Variants in DUSP15 observed in about 807,000 individuals in gnomAD.
DUSP15 encodes dual specificity protein phosphatase 15.
In DUSP15, 23 loss-of-function variants were observed where a neutral mutation model predicts 26.3. The ratio of observed to expected loss-of-function variants is 0.87; its 90% CI spans 0.63 to 1.24. The LOEUF is 1.24. Among genes scored for constraint, DUSP15 ranks in the 50% most tolerant of loss-of-function variants. The pLI, the probability that DUSP15 is intolerant of heterozygous loss-of-function variation, is 0.00. For missense variants in DUSP15, 364 were observed against 320.6 expected (o/e 1.14, Z -1.03); for synonymous variants, 143 against 135.5 (o/e 1.06, Z -0.39).
At chr20:31,869,438 C>T in intron 2 of DUSP15, 126 bp downstream of exon 2, 1 of 1,329,232 alleles carries the variant, frequency 7.5e-7, no homozygotes, top group Non-Finnish European at 1.1e-6. Flanking sequence ...TTCCCCCTCC[C>T]AGCCTGGGGC....
chr20:31,846,214 A>G (rs150694103), downstream of DUSP15, among the ~76,000 whole-genome samples: 1 of 151,714 alleles, frequency 6.6e-6, no homozygotes, highest in Non-Finnish European at 1.5e-5. Flanking sequence ...ACACATAGGC[A>G]TACACACAGA....
At position 31,869,610 on chromosome 20, in the gene DUSP15, C is replaced by G. The variant is rs1423694016; in HGVS notation, c.22-13G>C. 2.0e-5 allele frequency: 33 copies of G among 1,613,542 alleles called. No individual in the cohort carries two copies. The highest frequency in any genetic ancestry group is 2.8e-5 in the Non-Finnish European group (33 of 1,179,852). On this transcript the variant is annotated splice_polypyrimidine_tract_variant and intron_variant, in intron 1 of 6. Transcript: ENST00000339738. ...GTCCAGGAAGTACCTAGAGGAAGGA[C>G]AGGCAAGGGTCAGTGGGGCAGGGGC... is the stretch of plus-strand genomic sequence containing the variant.
Position 31,862,402 on chromosome 20 carries a change from C to A in DUSP15, c.435+169G>T, listed in dbSNP as rs1157436038. Among the ~76,000 whole-genome samples, 14 of 152,190 alleles carry A rather than the reference C, an allele frequency of 9.2e-5. 1 individual carries two copies. The highest frequency in any genetic ancestry group is 9.2e-4 in the Admixed American group (14 of 15,282). On this transcript the variant is annotated intron_variant, in intron 6 of 6. Transcript: ENST00000339738. ...ATTGAAAAAGAAAACACCTGGCTGT[C>A]TAACAAAATACACCTAGGAGGTGGA...
At chr20:31,864,832 A>T (rs2123280426) in intron 4 of DUSP15, 121 bp downstream of exon 4, 1 of 1,050,732 alleles carries the variant, frequency 9.5e-7, no homozygotes, top group Non-Finnish European at 1.4e-6. Context: ...GGACTGGTTG[A>T]GTTGAACACC....
At chr20:31,867,209 A>G in intron 2 of DUSP15, 56 bp from the exon 3 acceptor site, 1 of 1,491,462 alleles carries the variant, frequency 6.7e-7, no homozygotes, top group Non-Finnish European at 9.2e-7. Flanking sequence ...CTGATGGCCA[A>G]GTGCGGAGGG....
In DUSP15 at chr20:31,862,573, T is replaced by G. The variant is rs1257547402; in HGVS notation, c.433A>C (p.Lys145Gln). The stretch of plus-strand genomic sequence containing the variant: ...CCAGCCCTTGACCCCATCCCTACCT[T>G]CTGGGAACTGGCCCAGCCAAACTCT... ...LEEFGWASSQ[K>Q]LRRQLEERFG... is the part of the protein sequence containing the mutation. The change falls in exon 6 of 7, where the codon AAG becomes CAG. Residue 145 changes from lysine to glutamine, a missense_variant and splice_region_variant. Physicochemically the swap from Lys to Gln is moderately conservative, Grantham distance 53. Coordinates refer to ENST00000339738, the MANE Select transcript of DUSP15 (RefSeq NM_080611.5). The G allele has an allele frequency of 6.2e-7, 1 of 1,606,652 alleles. No homozygotes were observed. The highest frequency in any genetic ancestry group is 1.3e-5 in the African/African-American group (1 of 74,930).
intron 9 of DUSP15, chr20:31,848,657 C>A (rs989536234): frequency 5.5e-6 from 8 of 1,466,584 alleles, no homozygotes; most frequent in Non-Finnish European, 7.2e-6. Flanking sequence ...ACAGCCCCAT[C>A]CCTACCCCCA....
At position 31,870,259 on chromosome 20, in the gene DUSP15, G is replaced by T. The variant is rs1043872381; in HGVS notation, c.21+58C>A. 1.1e-5 allele frequency: 14 copies of T among 1,225,774 alleles called. No homozygotes were observed. In the African/African-American group the frequency reaches 1.9e-4, roughly 16 times the overall value. 75.9% of individuals were successfully genotyped at this position (1,225,774 alleles called of 1,614,324 possible). ...AGGCGGGCGGACCGAGCTGGTCAGC[G>T]CCGGGCCGCGGCGGCCGGGGCGGGG... On this transcript the variant is annotated intron_variant, in intron 1 of 6. Coordinates refer to ENST00000339738, the MANE Select transcript of DUSP15 (RefSeq NM_080611.5). This position sits in a 1 kb window ranked among gnomAD's most constrained non-coding sequence, Gnocchi z 6.6.
At chr20:31,849,160 C>T (rs552464409) in intron 8 of DUSP15, among the ~76,000 whole-genome samples, 1 of 152,178 alleles carries the variant, frequency 6.6e-6, no homozygotes, top group Non-Finnish European at 1.5e-5. Flanking sequence ...CAACCCATGC[C>T]CACTGCCACT....
rs769971947 is a variant in DUSP15 at position 31,861,548 on chromosome 20, G to T, written c.563C>A (p.Pro188Gln). The T allele has an allele frequency of 3.3e-6, 5 of 1,506,476 alleles. No individual in the cohort carries two copies. Among genetic ancestry groups the T allele is most frequent in the Non-Finnish European group, 4.4e-6 (5 of 1,135,932 alleles). The allele number at this position is 1,506,476 out of a possible 1,614,324, so 93.3% of individuals were successfully genotyped here. ...GSATSASSAG[P>Q]HSAASEGTVQ... Reference sequence around the variant, plus strand: ...GGTTCCCTCGGAGGCTGCTGAGTGCGGCCCGGCGGAGGAGGCCGAGGTCGC... The same window carrying T: ...GGTTCCCTCGGAGGCTGCTGAGTGCTGCCCGGCGGAGGAGGCCGAGGTCGC... The change falls in exon 7 of 7, where the codon CCG (proline) becomes CAG (glutamine). Residue 188 changes from proline (P) to glutamine (Q), a missense_variant. Physicochemically the swap from Pro to Gln is moderately conservative, Grantham distance 76 (BLOSUM62 -1). Coordinates refer to ENST00000339738, the MANE Select transcript of DUSP15 (RefSeq NM_080611.5).
At chr20:31,852,713 A>G (rs994730655) in intron 6 of DUSP15, among the ~76,000 whole-genome samples, 1 of 152,184 alleles carries the variant, frequency 6.6e-6, no homozygotes, top group African/African-American at 2.4e-5. Flanking sequence ...TGGGAGGCTG[A>G]GGCAGGAGAA....
chr20:31,865,032 G>T (rs1412315565), intron 3 of DUSP15, 30 bp from the exon 4 acceptor site: 2 of 1,612,842 alleles, frequency 1.2e-6, no homozygotes, highest in Non-Finnish European at 8.5e-7. Context: ...TCAGGCAGGG[G>T]ACCTTGCCTG....
In DUSP15 at chr20:31,870,056, A is replaced by G. The variant is rs2062887125; in HGVS notation, c.21+261T>C. ...CGGAGAGCAGGACTCACTGGGAGAC[A>G]GCCTGGGAGTGACAGCCACAGCAAG... On this transcript the variant is annotated intron_variant, in intron 1 of 6. Transcript: ENST00000339738. The surrounding 1 kb of genome is among the most constrained non-coding windows in gnomAD (Gnocchi z 6.6). 1 of 1,268,868 alleles carries G rather than the reference A, an allele frequency of 7.9e-7. No individual in the cohort carries two copies. The highest frequency in any genetic ancestry group is 3.0e-5 in the East Asian group (1 of 32,788). 78.6% of individuals were successfully genotyped at this position (1,268,868 alleles called of 1,614,324 possible).
chr20:31,862,098 C>T (rs2062673744), intron 6 of DUSP15, among the ~76,000 whole-genome samples: 1 of 152,164 alleles, frequency 6.6e-6, no homozygotes, highest in Non-Finnish European at 1.5e-5. Context: ...CTGGGTACCG[C>T]CCTCAACCTG....
intron 8 of DUSP15, chr20:31,849,511 T>G (rs2062427304): frequency 1.3e-6 from 1 of 783,758 alleles, no homozygotes; most frequent in Non-Finnish European, 2.3e-6. Flanking sequence ...CCCACGCCAC[T>G]CTGTTCCACT....
intron 6 of DUSP15, 110 bp from the exon 7 acceptor site, chr20:31,861,785 A>G: frequency 1.2e-6 from 1 of 829,910 alleles, no homozygotes; most frequent in South Asian, 2.4e-5. Flanking sequence ...AGCGTCCCAC[A>G]CCTCGCTGAG....
intron 2 of DUSP15, among the ~76,000 whole-genome samples, chr20:31,867,884 A>G (rs1427861931): frequency 2.6e-5 from 4 of 151,980 alleles, no homozygotes; most frequent in African/African-American, 9.7e-5. Context: ...TGACCTCGTG[A>G]TCCGCCCGCC....
At chr20:31,870,548 C>CA (rs754664961), upstream of DUSP15, 5 of 1,455,860 alleles carry the variant, frequency 3.4e-6, no homozygotes, top group South Asian at 6.9e-5. This position sits in a 1 kb window ranked among gnomAD's most constrained non-coding sequence, Gnocchi z 6.6. Context: ...CCGCCGCTGC[C>CA]ACCGCCGCCG....
intron 3 of DUSP15, among the ~76,000 whole-genome samples, chr20:31,866,624 C>G (rs1171330642): frequency 6.6e-6 from 1 of 152,248 alleles, no homozygotes; most frequent in African/African-American, 2.4e-5. Flanking sequence ...CACCATCCTG[C>G]AGTCCCTTTG....
Sources: gnomAD v4.1 joint callset for allele counts (sites outside exome capture counted in the v4.1 genomes callset) on GRCh38, gnomAD v4.1.1 for gene constraint, Gnocchi (gnomAD v3.1) non-coding constraint, MANE v1.5 for transcripts, NCBI Gene and HGNC (gene_info 2026-07-23, HGNC 2026-07-21) for gene names.